MYO1E: variants seen among roughly 807,000 people sequenced by gnomAD.
MYO1E encodes unconventional myosin-Ie.
MYO1E carries 68 observed loss-of-function variants against 151.1 expected under a neutral mutation model. The observed-to-expected ratio is 0.45, with a 90% confidence interval of 0.37 to 0.55. The LOEUF (loss-of-function observed/expected upper bound fraction) is 0.55. Among genes scored for constraint, MYO1E ranks in the 20% least tolerant of loss-of-function variants. The pLI is 0.00. For missense variants in MYO1E, 1,363 were observed against 1,389.3 expected (o/e 0.98, Z 0.30); for synonymous variants, 601 against 501.7 (o/e 1.20, Z -2.64).
chr15:59,341,436 TC>T (rs1256292570), intron 1 of MYO1E: 1 of 152,186 alleles, frequency 6.6e-6, no homozygotes, highest in Non-Finnish European at 1.5e-5. Context: ...TAGCTCTTAT[TC>T]ATTCTATTAT....
At chr15:59,338,431 G>A (rs1344461778) in intron 1 of MYO1E, among the ~76,000 whole-genome samples, 1 of 152,020 alleles carries the variant, frequency 6.6e-6, no homozygotes, top group African/African-American at 2.4e-5. Flanking sequence ...ATAAATCCAT[G>A]AAGGGATATC....
rs2079365505 is a variant in MYO1E at position 59,135,258 on chromosome 15, G to A, written c.*2122C>T. The A allele has an allele frequency of 1.3e-5, 2 of 152,178 alleles. 1 individual carries two copies. The highest frequency in any genetic ancestry group is 4.1e-4 in the South Asian group (2 of 4,834). 9.4% of individuals were successfully genotyped at this position (152,178 alleles called of 1,614,324 possible). A position where few individuals can be genotyped will look rare whatever the true frequency, so the allele number is the denominator to read the frequency against. ...AACTCAGTCCCTGTTTTGTGACCTA[G>A]AGCCCGATGGTTCCCAGTTACACAC... On this transcript the variant is annotated 3_prime_UTR_variant, in exon 28 of 28. Transcript: ENST00000288235.
Position 59,188,170 on chromosome 15 carries a change from C to G in MYO1E, c.1852G>C (p.Val618Leu). Reference sequence around the variant, plus strand: ...CGATAGGCATAGCCAGCTCTTCTCACTCGAATGTTCTCTTTCAGACCCAAA... The same window carrying G: ...CGATAGGCATAGCCAGCTCTTCTCAGTCGAATGTTCTCTTTCAGACCCAAA... ...EYLGLKENIR[V>L]RRAGYAYRRI... Residue 618 changes from valine to leucine, a missense_variant, in exon 18 of 28, where the codon GTG (valine) becomes CTG (leucine). By Grantham distance (32) the Val-to-Leu change is conservative. Coordinates refer to ENST00000288235, the MANE Select transcript of MYO1E (RefSeq NM_004998.4). The G allele has an allele frequency of 6.2e-7, 1 of 1,614,174 alleles. No homozygotes were observed. Among genetic ancestry groups the G allele is most frequent in the Non-Finnish European group, 8.5e-7 (1 of 1,180,040 alleles).
rs1440673274 is a variant in MYO1E at position 59,133,587 on chromosome 15, T to A, written c.*3793A>T. On this transcript the variant is annotated 3_prime_UTR_variant, in exon 28 of 28. Transcript: ENST00000288235. ...TTACTAAATCCAGAAAGAACTGCAA[T>A]CAATCAGCTAGGCCTTGGGAGAAAA... The A allele has an allele frequency of 6.6e-6, 1 of 152,026 alleles. No homozygotes were observed. Among genetic ancestry groups the A allele is most frequent in the African/African-American group, 2.4e-5 (1 of 41,352 alleles). The allele number at this position is 152,026 out of a possible 1,614,324, so 9.4% of individuals were successfully genotyped here. A position where few individuals can be genotyped will look rare whatever the true frequency, so the allele number is the denominator to read the frequency against.
intron 14 of MYO1E, chr15:59,206,786 G>C (rs2079836996): frequency 2.9e-6 from 2 of 693,684 alleles, no homozygotes; most frequent in East Asian, 5.5e-5. Context: ...GGAGACTCTG[G>C]CAAGGCCCGC....
rs1361127825 is a variant in MYO1E, at chr15:59,157,198, T to G, written c.2878+1089A>C. The stretch of plus-strand genomic sequence containing the variant: ...CTATGATGGCACCACTGCACTCCAG[T>G]TGGGCAACTGAGACCCCATCCCAAA... On this transcript the variant is annotated intron_variant, in intron 25 of 27. Transcript: ENST00000288235. Among the ~76,000 whole-genome samples, 9 of 152,240 alleles carry G rather than the reference T, an allele frequency of 5.9e-5. No individual in the cohort carries two copies. In the East Asian group the frequency reaches 1.5e-3, roughly 26 times the overall value.
intron 25 of MYO1E, among the ~76,000 whole-genome samples, chr15:59,155,259 T>C (rs530575691): frequency 1.3e-5 from 2 of 152,388 alleles, no homozygotes; most frequent in South Asian, 4.1e-4. Context: ...GAAACGTTCA[T>C]GGCAGTTTGA....
intron 1 of MYO1E, among the ~76,000 whole-genome samples, chr15:59,275,945 A>G (rs569480488): frequency 6.6e-4 from 100 of 152,294 alleles, no homozygotes; most frequent in African/African-American, 2.2e-3. Flanking sequence ...GCCTCTGCAC[A>G]CAGCCGCTGA....
intron 18 of MYO1E, among the ~76,000 whole-genome samples, chr15:59,186,823 T>C (rs1466882021): frequency 1.3e-5 from 2 of 152,226 alleles, no homozygotes; most frequent in South Asian, 2.1e-4. Context: ...ATTAAATAGA[T>C]GTAGAAATAC....
At chr15:59,270,063 GGTAA>G (rs1200745803) in intron 2 of MYO1E, among the ~76,000 whole-genome samples, 4 of 152,048 alleles carry the variant, frequency 2.6e-5, no homozygotes, top group Non-Finnish European at 4.4e-5. Flanking sequence ...AAAAAATGGT[GGTAA>G]GTAAGATTTT....
At chr15:59,291,166 C>T (rs1295067933) in intron 1 of MYO1E, among the ~76,000 whole-genome samples, 10 of 152,222 alleles carry the variant, frequency 6.6e-5, no homozygotes, top group African/African-American at 2.2e-4. Flanking sequence ...AGGATTTGTA[C>T]GATACTCTGT....
intron 1 of MYO1E, among the ~76,000 whole-genome samples, chr15:59,294,973 G>A (rs73426910): frequency 0.042 from 6,316 of 152,052 alleles, 412 homozygotes; most frequent in African/African-American, 0.14. Flanking sequence ...CCAGATTATC[G>A]GTAATCTTGT....
intron 19 of MYO1E, among the ~76,000 whole-genome samples, chr15:59,177,875 T>A (rs1388311917): frequency 1.3e-5 from 2 of 152,202 alleles, no homozygotes; most frequent in Non-Finnish European, 2.9e-5. Flanking sequence ...CCCACAGCCT[T>A]CTAGGTACAA....
chr15:59,349,514 G>A (rs749670985), intron 1 of MYO1E, among the ~76,000 whole-genome samples: 8 of 151,786 alleles, frequency 5.3e-5, no homozygotes, highest in Non-Finnish European at 1.0e-4. Context: ...ATTACCCAGC[G>A]AGTTAGGGAG....
At chr15:59,216,705 C>CACAA (rs2079920940) in intron 10 of MYO1E, among the ~76,000 whole-genome samples, 1 of 79,590 alleles carries the variant, frequency 1.3e-5, no homozygotes, top group South Asian at 3.8e-4. Context: ...CACACACACA[C>CACAA]ACACACACAC....
chr15:59,285,631 G>T (rs1300479412), intron 1 of MYO1E, among the ~76,000 whole-genome samples: 1 of 151,636 alleles, frequency 6.6e-6, no homozygotes, highest in African/African-American at 2.4e-5. Flanking sequence ...TTACAGGCGT[G>T]AGCCACCACG....
chr15:59,275,482 C>T (rs1444976252), intron 1 of MYO1E, among the ~76,000 whole-genome samples: 1 of 152,146 alleles, frequency 6.6e-6, no homozygotes, highest in African/African-American at 2.4e-5. Context: ...TATGTGAACT[C>T]ATTCAACCTT....
chr15:59,357,097 G>C (rs2080858211), intron 1 of MYO1E, among the ~76,000 whole-genome samples: 1 of 152,026 alleles, frequency 6.6e-6, no homozygotes, highest in African/African-American at 2.4e-5. Flanking sequence ...GTAGAGATGA[G>C]GTTTCGCCCT....
chr15:59,210,489 A>G (rs1424325740), intron 13 of MYO1E, 25 bp downstream of exon 13: 2 of 1,458,700 alleles, frequency 1.4e-6, no homozygotes, highest in Non-Finnish European at 1.9e-6. Context: ...TGAGCAGTGA[A>G]AAGACATACT....
Sources: gnomAD v4.1 joint callset for allele counts (sites outside exome capture counted in the v4.1 genomes callset) on GRCh38, gnomAD v4.1.1 for gene constraint, MANE v1.5 for transcripts, NCBI Gene and HGNC (gene_info 2026-07-23, HGNC 2026-07-21) for gene names.